Variants in ATRX observed in about 807,000 individuals in gnomAD.
ATRX encodes the protein chromatin remodeler ATRX.
Under a neutral mutation model 172.6 loss-of-function variants are expected in ATRX, and 12 were observed. The observed-to-expected ratio is 0.07, with a 90% confidence interval of 0.04 to 0.11. The LOEUF (loss-of-function observed/expected upper bound fraction) is 0.11. Ranked by LOEUF, ATRX falls within the 10% of genes least tolerant of loss-of-function variation. The pLI is 1.00. For missense variants in ATRX, 1,368 were observed against 1,767.4 expected, an observed-to-expected ratio of 0.77 and a Z score of 4.05; for synonymous variants, 674 against 594.7, an observed-to-expected ratio of 1.13 and a Z score of -1.94.
chrX:77,679,497 CAATT>C (rs1321761557), intron 9 of ATRX, among the ~76,000 whole-genome samples: 25 of 111,807 alleles, frequency 2.2e-4, no homozygotes, highest in Non-Finnish European at 4.3e-4. Context: ...AGAGATGCAT[CAATT>C]GAGTATTTGC....
At chrX:77,526,935 C>G (rs782720644) in intron 30 of ATRX, among the ~76,000 whole-genome samples, 1 of 112,503 alleles carries the variant, frequency 8.9e-6, no homozygotes, top group Non-Finnish European at 1.9e-5. Flanking sequence ...TTTTGACTTA[C>G]AGTCAACTGA....
intron 25 of ATRX, 130 bp downstream of exon 25, chrX:77,599,281 G>T: frequency 1.4e-6 from 1 of 708,992 alleles, no homozygotes; most frequent in Non-Finnish European, 2.2e-6. Context: ...ATGAGTACTT[G>T]ATTAGACTCA....
chrX:77,555,665 T>C (rs1557058582), intron 30 of ATRX, among the ~76,000 whole-genome samples: 3 of 108,987 alleles, frequency 2.8e-5, no homozygotes, highest in South Asian at 4.0e-4. Context: ...TGAGAACATA[T>C]GGACATGGGG....
At chrX:77,613,228 C>T (rs2067230294) in intron 22 of ATRX, among the ~76,000 whole-genome samples, 1 of 110,704 alleles carries the variant, frequency 9.0e-6, no homozygotes, top group Non-Finnish European at 1.9e-5. Flanking sequence ...CAGGGTTCCA[C>T]TTTCTCCACA....
intron 1 of ATRX, among the ~76,000 whole-genome samples, chrX:77,736,368 GAATA>G (rs1557179121): frequency 8.9e-6 from 1 of 112,241 alleles, no homozygotes; most frequent in African/African-American, 3.2e-5. Context: ...CAACTCTACA[GAATA>G]AAAATCTAAT....
At chrX:77,646,745 A>C (rs944863722) in intron 15 of ATRX, among the ~76,000 whole-genome samples, 1 of 109,704 alleles carries the variant, frequency 9.1e-6, no homozygotes, top group African/African-American at 3.3e-5. Flanking sequence ...ACACTGTAAG[A>C]CCCTGCCTCT....
chrX:77,585,750 C>T (rs1439695916), intron 27 of ATRX, among the ~76,000 whole-genome samples: 1 of 109,400 alleles, frequency 9.1e-6, no homozygotes, highest in Non-Finnish European at 1.9e-5. Context: ...CCTAAGTGTC[C>T]ATCAACAGAT....
intron 26 of ATRX, among the ~76,000 whole-genome samples, chrX:77,593,030 C>T (rs782130183): frequency 1.8e-5 from 2 of 108,543 alleles, no homozygotes; most frequent in African/African-American, 6.7e-5. Context: ...TCGAGATCAG[C>T]CTGGGCAACA....
intron 34 of ATRX, among the ~76,000 whole-genome samples, chrX:77,520,127 T>C (rs2063180236): frequency 9.0e-6 from 1 of 111,486 alleles, no homozygotes; most frequent in African/African-American, 3.3e-5. Context: ...CTCATGATGA[T>C]AAGAGAGTAG....
At chrX:77,698,674 T>A in intron 2 of ATRX, 45 bp from the exon 3 acceptor site, 1 of 1,063,525 alleles carries the variant, frequency 9.4e-7, no homozygotes, top group Non-Finnish European at 1.3e-6. Context: ...CTTCGATGCA[T>A]TATCAAACAG....
At chrX:77,605,326 G>C (rs782052894) in intron 22 of ATRX, among the ~76,000 whole-genome samples, 83 of 111,249 alleles carry the variant, frequency 7.5e-4, no homozygotes, top group Non-Finnish European at 1.5e-3. Context: ...TACTTGGGAG[G>C]CTGAGGCAGG....
intron 1 of ATRX, among the ~76,000 whole-genome samples, chrX:77,780,518 T>TG (rs1196579167): frequency 1.8e-5 from 2 of 108,837 alleles, no homozygotes; most frequent in Non-Finnish European, 3.8e-5. Flanking sequence ...TTAGTAGAGA[T>TG]GGGGTTTCAC....
chrX:77,577,403 T>C (rs782087388), intron 27 of ATRX, among the ~76,000 whole-genome samples: 3 of 111,455 alleles, frequency 2.7e-5, no homozygotes, highest in African/African-American at 9.8e-5. Flanking sequence ...TCTTGGCCAT[T>C]TGTATATCAT....
At chrX:77,716,065 G>A (rs1197437300) in intron 2 of ATRX, among the ~76,000 whole-genome samples, 1 of 101,405 alleles carries the variant, frequency 9.9e-6, no homozygotes, top group African/African-American at 3.7e-5. Context: ...AGGCCAGGAA[G>A]TCCAAGACCA....
intron 27 of ATRX, among the ~76,000 whole-genome samples, chrX:77,579,197 G>A (rs369160173): frequency 2.5e-4 from 28 of 112,415 alleles, no homozygotes; most frequent in African/African-American, 8.4e-4. Flanking sequence ...CTCTATACCC[G>A]CCCAGGGACT....
chrX:77,741,875 A>G (rs2074888459), intron 1 of ATRX, among the ~76,000 whole-genome samples: 1 of 112,015 alleles, frequency 8.9e-6, no homozygotes, highest in Non-Finnish European at 1.9e-5. Context: ...GCCAAATCCC[A>G]GGTCATGAAA....
At position 77,681,986 on chromosome X, in the gene ATRX, C is replaced by T. The variant is rs781992894; in HGVS notation, c.3270G>A (p.Glu1090=). 1 of 1,210,624 alleles carries T rather than the reference C, an allele frequency of 8.3e-7. No individual in the cohort carries two copies. ...KKSKNGAYGR[E]KKRCKLLGKS... ...TTCCAAGCAACTTGCACCTTTTCTT[C>T]TCTCTACCATATGCTCCATTCTTAC... The change falls in exon 9 of 35, where the codon GAG becomes GAA. Residue 1090 remains glutamate (E), a synonymous_variant. Coordinates refer to ENST00000373344, the MANE Select transcript of ATRX (RefSeq NM_000489.6).
intron 22 of ATRX, among the ~76,000 whole-genome samples, chrX:77,602,987 C>T (rs1303202589): frequency 9.2e-6 from 1 of 109,047 alleles, no homozygotes; most frequent in Non-Finnish European, 1.9e-5. Flanking sequence ...TAAGCCAAGC[C>T]AACAAACCCT....
intron 15 of ATRX, among the ~76,000 whole-genome samples, chrX:77,649,904 A>T (rs1312048401): frequency 3.6e-5 from 4 of 112,184 alleles, no homozygotes; most frequent in Admixed American, 9.5e-5. Flanking sequence ...AACATCAAAA[A>T]TCAGGAATTA....
Sources: allele counts gnomAD v4.1 joint callset (sites outside exome capture counted in the v4.1 genomes callset), GRCh38; gene constraint gnomAD v4.1.1; transcripts MANE v1.5; gene names NCBI Gene and HGNC (gene_info 2026-07-23, HGNC 2026-07-21).